EDA: variants seen among roughly 807,000 people sequenced by gnomAD.
The protein encoded by EDA is ectodysplasin-A.
Under a neutral mutation model 23.6 loss-of-function variants are expected in EDA, and 2 were observed. The ratio of observed to expected loss-of-function variants is 0.08; its 90% CI spans 0.03 to 0.27. EDA has a LOEUF of 0.27. EDA is among the 10% of genes least tolerant of loss of function. The probability of loss-of-function intolerance (pLI) is 1.00; values close to 1 mark genes in which losing one functional copy is unlikely to be tolerated. For synonymous variants in EDA, 131 were observed against 132.0 expected, an observed-to-expected ratio of 0.99 and a Z score of 0.05; for missense variants, 229 against 324.2, an observed-to-expected ratio of 0.71 and a Z score of 2.26.
At chrX:69,734,617 T>C (rs1440637431) in intron 1 of EDA, among the ~76,000 whole-genome samples, 2 of 111,631 alleles carry the variant, frequency 1.8e-5, no homozygotes, top group Non-Finnish European at 3.8e-5. Context: ...AAAATTTTGG[T>C]ATGTTGAATT....
At chrX:69,829,545 T>A (rs1006613176) in intron 1 of EDA, among the ~76,000 whole-genome samples, 1 of 112,444 alleles carries the variant, frequency 8.9e-6, no homozygotes, top group Non-Finnish European at 1.9e-5. Context: ...ATGATAAACA[T>A]CACAGATGGT....
intron 1 of EDA, among the ~76,000 whole-genome samples, chrX:69,718,732 G>A (rs1370643211): frequency 1.8e-5 from 2 of 111,110 alleles, no homozygotes; most frequent in African/African-American, 3.3e-5. Context: ...TTAAGTTCAT[G>A]AACAATTATT....
intron 3 of EDA, among the ~76,000 whole-genome samples, chrX:70,026,324 A>T (rs2020105978): frequency 8.9e-6 from 1 of 111,779 alleles, no homozygotes; most frequent in Non-Finnish European, 1.9e-5. Flanking sequence ...GACCACAGTT[A>T]TGACTCATTT....
intron 2 of EDA, among the ~76,000 whole-genome samples, chrX:69,978,503 A>G (rs1381753148): frequency 2.5e-5 from 1 of 40,312 alleles, no homozygotes; most frequent in African/African-American, 1.4e-4. Flanking sequence ...AATCTGTCTC[A>G]AAAAAAAAAA....
chrX:69,678,174 G>C (rs1256262931), intron 1 of EDA, among the ~76,000 whole-genome samples: 8 of 110,599 alleles, frequency 7.2e-5, no homozygotes, highest in African/African-American at 2.3e-4. Flanking sequence ...CTGTTCCATT[G>C]ATCTATATCT....
intron 1 of EDA, among the ~76,000 whole-genome samples, chrX:69,911,089 C>T (rs988005889): frequency 8.9e-6 from 1 of 111,989 alleles, no homozygotes; most frequent in Non-Finnish European, 1.9e-5. Context: ...TTACATTCCT[C>T]AAAAGAGTAT....
chrX:69,680,442 A>G (rs1461086032), intron 1 of EDA, among the ~76,000 whole-genome samples: 1 of 46,860 alleles, frequency 2.1e-5, no homozygotes, highest in Non-Finnish European at 3.1e-5. Flanking sequence ...CCCATTATTA[A>G]TGTGTGGGAG....
At chrX:69,724,465 A>G (rs2012714804) in intron 1 of EDA, among the ~76,000 whole-genome samples, 1 of 111,309 alleles carries the variant, frequency 9.0e-6, no homozygotes, top group Non-Finnish European at 1.9e-5. Flanking sequence ...TCCACAGTGT[A>G]CCAAGTGTCT....
At chrX:70,030,658 A>G in intron 6 of EDA, 138 bp downstream of exon 6, 1 of 588,616 alleles carries the variant, frequency 1.7e-6, no homozygotes, top group South Asian at 2.5e-5. Flanking sequence ...TTGCTCCATC[A>G]TGCCCTCTAC....
intron 1 of EDA, among the ~76,000 whole-genome samples, chrX:69,811,714 A>C (rs1602432731): frequency 8.9e-6 from 1 of 112,302 alleles, no homozygotes; most frequent in East Asian, 2.8e-4. Flanking sequence ...AAGGCATGAG[A>C]AGGTTTATTA....
chrX:70,015,236 C>T (rs973985910), intron 2 of EDA, among the ~76,000 whole-genome samples: 1 of 111,842 alleles, frequency 8.9e-6, no homozygotes, highest in African/African-American at 3.3e-5. Context: ...AGAAACCCTA[C>T]AAGCCAAAAG....
chrX:69,878,924 G>C (rs924749121), intron 1 of EDA, among the ~76,000 whole-genome samples: 8 of 111,001 alleles, frequency 7.2e-5, no homozygotes, highest in African/African-American at 2.3e-4. Context: ...ATGCATGCTA[G>C]GTAGATTGAA....
intron 1 of EDA, among the ~76,000 whole-genome samples, chrX:69,797,767 A>G (rs925980588): frequency 9.8e-5 from 11 of 112,165 alleles, no homozygotes; most frequent in African/African-American, 2.9e-4. Context: ...AAGGATATAC[A>G]TAACAACCAG....
intron 1 of EDA, among the ~76,000 whole-genome samples, chrX:69,785,082 G>C (rs1208527395): frequency 9.5e-6 from 1 of 105,309 alleles, no homozygotes; most frequent in Non-Finnish European, 1.9e-5. Flanking sequence ...CTCCTGATTT[G>C]GCTCTCTGTT....
intron 1 of EDA, among the ~76,000 whole-genome samples, chrX:69,825,770 A>T (rs1428106033): frequency 9.0e-6 from 1 of 110,869 alleles, no homozygotes; most frequent in Non-Finnish European, 1.9e-5. Context: ...TTGCTTTTCT[A>T]GTTCCTTTAA....
intron 1 of EDA, among the ~76,000 whole-genome samples, chrX:69,768,886 C>T (rs947761700): frequency 8.9e-6 from 1 of 111,767 alleles, no homozygotes; most frequent in Non-Finnish European, 1.9e-5. Context: ...GTTTATTCAT[C>T]ATCATTCAGT....
chrX:69,674,639 T>G (rs1012211189), intron 1 of EDA, among the ~76,000 whole-genome samples: 1 of 111,967 alleles, frequency 8.9e-6, no homozygotes, highest in African/African-American at 3.2e-5. Flanking sequence ...GTATTTTCAT[T>G]CTGGTGAGCT....
At chrX:69,681,467 T>C (rs1362884451) in intron 1 of EDA, among the ~76,000 whole-genome samples, 8 of 111,484 alleles carry the variant, frequency 7.2e-5, no homozygotes, top group South Asian at 7.7e-4. Context: ...ACCAATCAGA[T>C]GTAGATTTGG....
chrX:69,841,570 C>T (rs964739689), intron 1 of EDA, among the ~76,000 whole-genome samples: 13 of 110,773 alleles, frequency 1.2e-4, no homozygotes, highest in Non-Finnish European at 1.7e-4. Flanking sequence ...AGGCTGGTCT[C>T]GAACTCCTGA....
Sources: gnomAD v4.1 joint callset for allele counts (sites outside exome capture counted in the v4.1 genomes callset) on GRCh38, gnomAD v4.1.1 for gene constraint, MANE v1.5 for transcripts, NCBI Gene and HGNC (gene_info 2026-07-23, HGNC 2026-07-21) for gene names.